The following PARD3B variants were observed in gnomAD, a reference collection of about 807,000 sequenced individuals.
PARD3B encodes par-3 family cell polarity regulator beta.
In PARD3B, 103 loss-of-function variants were observed where a neutral mutation model predicts 130.2. The ratio of observed to expected loss-of-function variants is 0.79; its 90% CI spans 0.67 to 0.93. PARD3B has a LOEUF of 0.93. Ranked by LOEUF, PARD3B falls within the 40% of genes least tolerant of loss-of-function variation. PARD3B has a pLI of 0.00. For synonymous variants in PARD3B, 583 were observed against 553.2 expected (o/e 1.05, Z -0.76); for missense variants, 1,609 against 1,499.2 (o/e 1.07, Z -1.21).
rs2051531059 is a variant in PARD3B, at chr2:205,530,252, A to G, written c.3181-23072A>G. On this transcript the variant is annotated intron_variant, in intron 21 of 22. Transcript: ENST00000406610. This position sits in a 1 kb window ranked among gnomAD's most constrained non-coding sequence, Gnocchi z 4.7. ...TTTGGAGAAAACGTATTATCCTAAT[A>G]TGCTTGAGACCTGTCTTTTGCTACC... Among the ~76,000 whole-genome samples the G allele has an allele frequency of 6.6e-6, 1 of 152,150 alleles. No individual in the cohort carries two copies. The highest frequency in any genetic ancestry group is 6.5e-5 in the Admixed American group (1 of 15,278).
At chr2:205,492,565 C>T (rs1249514836) in intron 20 of PARD3B, among the ~76,000 whole-genome samples, 1 of 151,874 alleles carries the variant, frequency 6.6e-6, no homozygotes. Context: ...AAGAAGTATC[C>T]CCAAAGTTGT....
At chr2:205,471,691 A>G (rs2048841783) in intron 20 of PARD3B, among the ~76,000 whole-genome samples, 1 of 152,208 alleles carries the variant, frequency 6.6e-6, no homozygotes, top group South Asian at 2.1e-4. Flanking sequence ...ACTAAAAAAC[A>G]GTAACCTGAG....
chr2:205,603,170 T>C (rs754774786), intron 22 of PARD3B, among the ~76,000 whole-genome samples: 1 of 152,232 alleles, frequency 6.6e-6, no homozygotes, highest in Non-Finnish European at 1.5e-5. Flanking sequence ...TTGTGTGGTT[T>C]TGAATGAGTT....
intron 6 of PARD3B, among the ~76,000 whole-genome samples, chr2:205,114,346 C>T (rs945110198): frequency 1.5e-4 from 23 of 152,034 alleles, no homozygotes; most frequent in Non-Finnish European, 4.4e-5. Context: ...TGTAATAAGA[C>T]GACCACATTT....
In PARD3B at chr2:205,265,958, C is replaced by T. The variant is rs2040487135; in HGVS notation, c.2185+20136C>T. Among the ~76,000 whole-genome samples the T allele has an allele frequency of 6.6e-6, 1 of 151,976 alleles. No individual in the cohort carries two copies. Among genetic ancestry groups the T allele is most frequent in the South Asian group, 2.1e-4 (1 of 4,830 alleles). The stretch of plus-strand genomic sequence containing the variant: ...GGCTTTTGATTTTTGTTAAAAGCAG[C>T]ATGCACATCCTATAAGGCATCAGTC... On this transcript the variant is annotated intron_variant, in intron 16 of 22. Coordinates refer to ENST00000406610, the MANE Select transcript of PARD3B (RefSeq NM_001302769.2). This position sits in a 1 kb window ranked among gnomAD's most constrained non-coding sequence, Gnocchi z 4.3.
intron 2 of PARD3B, among the ~76,000 whole-genome samples, chr2:204,694,079 A>G (rs911381333): frequency 1.3e-5 from 2 of 152,066 alleles, no homozygotes; most frequent in African/African-American, 4.8e-5. Context: ...TATCGTTCAC[A>G]TCGTATTATT....
chr2:204,948,922 T>C (rs1048613049), intron 2 of PARD3B, among the ~76,000 whole-genome samples: 2 of 152,182 alleles, frequency 1.3e-5, no homozygotes, highest in African/African-American at 2.4e-5. Flanking sequence ...AAATAAATTA[T>C]AGGACTAGAG....
chr2:205,087,435 C>T (rs1439022064), intron 4 of PARD3B, among the ~76,000 whole-genome samples: 1 of 152,154 alleles, frequency 6.6e-6, no homozygotes, highest in East Asian at 1.9e-4. Flanking sequence ...TCTTATAACC[C>T]TCAAAGCCCC....
chr2:204,817,445 A>G (rs955618025), intron 2 of PARD3B, among the ~76,000 whole-genome samples: 6 of 152,076 alleles, frequency 3.9e-5, no homozygotes, highest in Admixed American at 3.9e-4. Context: ...GTAACTACCC[A>G]CTACTGAGCC....
chr2:205,063,597 T>C (rs1328172097), intron 4 of PARD3B, among the ~76,000 whole-genome samples: 1 of 152,184 alleles, frequency 6.6e-6, no homozygotes. Flanking sequence ...TTTGTGCTAG[T>C]TATTTTTCTA....
intron 3 of PARD3B, among the ~76,000 whole-genome samples, chr2:204,979,185 G>A (rs1225736378): frequency 6.7e-6 from 1 of 149,620 alleles, no homozygotes; most frequent in Non-Finnish European, 1.5e-5. Flanking sequence ...CAGCCTAGGC[G>A]ACAGAGCGAG....
chr2:205,404,205 G>C (rs947012613), intron 19 of PARD3B, among the ~76,000 whole-genome samples: 1 of 152,112 alleles, frequency 6.6e-6, no homozygotes, highest in Admixed American at 6.6e-5. Flanking sequence ...AAAATATTTA[G>C]AAAAGAAATT....
intron 2 of PARD3B, among the ~76,000 whole-genome samples, chr2:204,812,926 A>G (rs961973516): frequency 6.6e-6 from 1 of 152,120 alleles, no homozygotes; most frequent in African/African-American, 2.4e-5. Context: ...TGCCATGCTC[A>G]TGTTTGCTTA....
intron 16 of PARD3B, among the ~76,000 whole-genome samples, chr2:205,260,093 C>T (rs1373952214): frequency 1.3e-5 from 2 of 152,164 alleles, no homozygotes; most frequent in Non-Finnish European, 2.9e-5. Flanking sequence ...ATTCCCAACT[C>T]TGAATTTATA....
Position 205,125,722 on chromosome 2 carries a change from T to C in PARD3B, c.1419T>C (p.Phe473=). 1 of 1,614,160 alleles carries C rather than the reference T, an allele frequency of 6.2e-7. No individual in the cohort carries two copies. Among genetic ancestry groups the C allele is most frequent in the Non-Finnish European group, 8.5e-7 (1 of 1,180,026 alleles). ...TCATTGCCCGCCAAGAAGGACATTT[T>C]CTGCCCCGAGAGTTGGTAATGTTCA... ...SLVIARQEGH[F]LPRELKGEPD... The change falls in exon 10 of 23, where the codon TTT becomes TTC. Residue 473 remains phenylalanine (F), a synonymous_variant. Coordinates refer to ENST00000406610, the MANE Select transcript of PARD3B (RefSeq NM_001302769.2). The surrounding 1 kb of genome is among the most constrained non-coding windows in gnomAD (Gnocchi z 4.0).
intron 3 of PARD3B, among the ~76,000 whole-genome samples, chr2:205,023,611 C>T (rs1410988916): frequency 7.2e-6 from 1 of 139,534 alleles, no homozygotes; most frequent in Non-Finnish European, 1.5e-5. Context: ...TTCCCAAGGA[C>T]CCTAATTACA....
At chr2:204,727,096 A>C (rs1266471513) in intron 2 of PARD3B, among the ~76,000 whole-genome samples, 2 of 152,190 alleles carry the variant, frequency 1.3e-5, no homozygotes, top group Non-Finnish European at 2.9e-5. Flanking sequence ...TAACTTAAGA[A>C]AAATACTGCA....
At chr2:205,336,346 G>A (rs186925932) in intron 18 of PARD3B, among the ~76,000 whole-genome samples, 11 of 152,314 alleles carry the variant, frequency 7.2e-5, no homozygotes, top group Non-Finnish European at 8.8e-5. Flanking sequence ...TGGAAAGTCT[G>A]TACTTAAAAT....
intron 2 of PARD3B, among the ~76,000 whole-genome samples, chr2:204,764,715 C>CATGCATGTGTGTGTGTGTGT (rs60298501): frequency 6.9e-6 from 1 of 145,644 alleles, no homozygotes; most frequent in African/African-American, 2.5e-5. Flanking sequence ...GGCATGCATG[C>CATGCATGTGTGTGTGTGTGT]GTGTGTGTGT....
Sources: gnomAD v4.1 joint callset for allele counts (sites outside exome capture counted in the v4.1 genomes callset) on GRCh38, gnomAD v4.1.1 for gene constraint, Gnocchi (gnomAD v3.1) non-coding constraint, MANE v1.5 for transcripts, NCBI Gene and HGNC (gene_info 2026-07-23, HGNC 2026-07-21) for gene names.